Variants in METTL15 observed in about 807,000 individuals in gnomAD.
The protein encoded by METTL15 is 12S rRNA N(4)-cytidine methyltransferase METTL15.
In METTL15, 34 loss-of-function variants were observed where a neutral mutation model predicts 38.3. That is an observed-to-expected ratio of 0.89 (90% CI 0.68 to 1.18). The LOEUF (loss-of-function observed/expected upper bound fraction) is 1.18. Ranked by LOEUF, METTL15 falls within the 50% of genes most tolerant of loss-of-function variation. The probability of loss-of-function intolerance (pLI) is 0.00; values close to 1 mark genes in which losing one functional copy is unlikely to be tolerated. For synonymous variants in METTL15, 162 were observed against 170.9 expected (o/e 0.95, Z 0.41); for missense variants, 438 against 498.4 (o/e 0.88, Z 1.15).
At chr11:28,214,834 A>G (rs954892046) in intron 4 of METTL15, among the ~76,000 whole-genome samples, 4 of 152,218 alleles carry the variant, frequency 2.6e-5, no homozygotes, top group African/African-American at 9.6e-5. Flanking sequence ...TAAGATGATA[A>G]GATGTTTAGC....
intron 6 of METTL15, among the ~76,000 whole-genome samples, chr11:28,463,053 A>T (rs1191059841): frequency 6.6e-6 from 1 of 152,130 alleles, no homozygotes; most frequent in Non-Finnish European, 1.5e-5. Flanking sequence ...TGTAACTGAG[A>T]CAGGTGTTAG....
intron 4 of METTL15, among the ~76,000 whole-genome samples, chr11:28,286,017 G>A (rs1238914006): frequency 1.3e-5 from 2 of 152,098 alleles, no homozygotes; most frequent in East Asian, 1.9e-4. Flanking sequence ...GCTACTAGGA[G>A]AAACAGAATC....
intron 6 of METTL15, among the ~76,000 whole-genome samples, chr11:28,504,219 G>T (rs1470531319): frequency 8.3e-6 from 1 of 119,914 alleles, no homozygotes. Context: ...AAAAAAAAAA[G>T]AGAGGGAGAA....
intron 6 of METTL15, among the ~76,000 whole-genome samples, chr11:28,433,659 TTTGGTTCTTCA>T (rs2133433794): frequency 6.6e-6 from 1 of 152,314 alleles, no homozygotes; most frequent in Admixed American, 6.5e-5. Context: ...TCTTTAATTA[TTTGGTTCTTCA>T]TGGAGCTTAG....
At chr11:28,334,811 T>A (rs1220637713), downstream of METTL15, among the ~76,000 whole-genome samples, 1 of 152,164 alleles carries the variant, frequency 6.6e-6, no homozygotes. Flanking sequence ...TTAAAAACAT[T>A]TAAAATGAAG....
At chr11:28,234,072 G>C (rs912744405) in intron 4 of METTL15, among the ~76,000 whole-genome samples, 15 of 150,416 alleles carry the variant, frequency 1.0e-4, no homozygotes, top group South Asian at 6.3e-4. Flanking sequence ...TTTTGTCCTT[G>C]CGATAGTTTA....
downstream of METTL15, among the ~76,000 whole-genome samples, chr11:28,528,044 AT>A (rs946153091): frequency 1.3e-5 from 2 of 152,104 alleles, no homozygotes; most frequent in Non-Finnish European, 2.9e-5. Context: ...AATCATGATT[AT>A]TTTACATTTT....
chr11:28,216,056 G>A (rs1040607964), intron 4 of METTL15, among the ~76,000 whole-genome samples: 8 of 151,986 alleles, frequency 5.3e-5, no homozygotes, highest in Non-Finnish European at 1.0e-4. Context: ...AGATCAGAAA[G>A]AATACAAATG....
At chr11:28,226,139 G>T (rs1258142674) in intron 4 of METTL15, among the ~76,000 whole-genome samples, 3 of 151,780 alleles carry the variant, frequency 2.0e-5, no homozygotes, top group African/African-American at 4.8e-5. Flanking sequence ...TGTGAACAGA[G>T]TATATACATC....
intron 3 of METTL15, among the ~76,000 whole-genome samples, chr11:28,151,384 C>A (rs1850084784): frequency 6.6e-6 from 1 of 151,876 alleles, no homozygotes; most frequent in African/African-American, 2.4e-5. Flanking sequence ...ATGGATCTAA[C>A]TTTAGATCTC....
chr11:28,231,756 C>CA (rs923532245), intron 4 of METTL15, among the ~76,000 whole-genome samples: 1 of 151,882 alleles, frequency 6.6e-6, no homozygotes, highest in African/African-American at 2.4e-5. Flanking sequence ...ATTTTCTCTG[C>CA]AAAATCATCC....
At chr11:28,222,742 T>A (rs1377977597) in intron 4 of METTL15, among the ~76,000 whole-genome samples, 1 of 152,174 alleles carries the variant, frequency 6.6e-6, no homozygotes, top group Non-Finnish European at 1.5e-5. Flanking sequence ...ATCTATAAAA[T>A]AAATATGATT....
At chr11:28,383,038 G>T (rs1019960104) in intron 5 of METTL15, among the ~76,000 whole-genome samples, 17 of 151,662 alleles carry the variant, frequency 1.1e-4, no homozygotes, top group Admixed American at 9.2e-4. Context: ...ATGTCATGGG[G>T]GTTTGGTGTA....
chr11:28,301,278 G>A (rs1427656128), intron 6 of METTL15, among the ~76,000 whole-genome samples: 1 of 151,894 alleles, frequency 6.6e-6, no homozygotes, highest in Non-Finnish European at 1.5e-5. Context: ...TCATCTCCCT[G>A]CCCTACCCCT....
At chr11:28,361,223 A>C (rs2133368052) in intron 4 of METTL15, among the ~76,000 whole-genome samples, 1 of 150,564 alleles carries the variant, frequency 6.6e-6, no homozygotes, top group East Asian at 2.0e-4. Context: ...TAGATCCCTG[A>C]GGAATCGCCA....
downstream of METTL15, among the ~76,000 whole-genome samples, chr11:28,527,443 A>G (rs2133518753): frequency 6.6e-6 from 1 of 152,332 alleles, no homozygotes; most frequent in East Asian, 1.9e-4. Context: ...ATAATTTAAT[A>G]AATAAATAGG....
At chr11:28,426,688 G>A (rs1850868505) in intron 6 of METTL15, among the ~76,000 whole-genome samples, 2 of 147,750 alleles carry the variant, frequency 1.4e-5, no homozygotes, top group African/African-American at 2.5e-5. Flanking sequence ...AATGATCAGT[G>A]CTGTTGAGCT....
At chr11:28,394,126 G>A (rs533653276) in intron 5 of METTL15, among the ~76,000 whole-genome samples, 1 of 152,192 alleles carries the variant, frequency 6.6e-6, no homozygotes, top group South Asian at 2.1e-4. Flanking sequence ...TTTGTCCAAA[G>A]ATTAATGAAA....
chr11:28,487,405 C>T (rs1225534047), intron 6 of METTL15, among the ~76,000 whole-genome samples: 1 of 151,918 alleles, frequency 6.6e-6, no homozygotes, highest in African/African-American at 2.4e-5. Context: ...TAGAAAGATA[C>T]TTATGATATA....
Sources: allele counts gnomAD v4.1 joint callset (sites outside exome capture counted in the v4.1 genomes callset), GRCh38; gene constraint gnomAD v4.1.1; transcripts MANE v1.5; gene names NCBI Gene and HGNC (gene_info 2026-07-23, HGNC 2026-07-21).